GLP2R: variants seen among roughly 807,000 people sequenced by gnomAD.
GLP2R encodes glucagon like peptide 2 receptor.
GLP2R carries 59 observed loss-of-function variants against 68.2 expected under a neutral mutation model. The ratio of observed to expected loss-of-function variants is 0.87; its 90% CI spans 0.70 to 1.07. GLP2R has a LOEUF of 1.07. Among genes scored for constraint, GLP2R ranks in the 50% least tolerant of loss-of-function variants. The pLI is 0.00. For missense variants in GLP2R, 548 were observed against 677.4 expected (o/e 0.81, Z 2.12); for synonymous variants, 270 against 265.4 (o/e 1.02, Z -0.17).
At chr17:9,827,925 C>A (rs1330366313) in intron 1 of GLP2R, among the ~76,000 whole-genome samples, 1 of 147,022 alleles carries the variant, frequency 6.8e-6, no homozygotes, top group Non-Finnish European at 1.5e-5. Context: ...CACGCCATTG[C>A]ACTCCAGTCT....
rs35526930 is a variant in GLP2R at position 9,881,378 on chromosome 17, C to CTTTTTTTTTT, written c.1284+873_1284+882dup. ...AGTATAAAAGCAGGAGCTGTCAGGC[C>CTTTTTTTTTT]TTTTTTTTTTTTTTTTTTTTGAGAC... On this transcript the variant is annotated intron_variant, in intron 11 of 12. Transcript: ENST00000262441. Among the ~76,000 whole-genome samples, 201 of 95,622 alleles carry CTTTTTTTTTT rather than the reference C, an allele frequency of 2.1e-3. 3 individuals are homozygous for CTTTTTTTTTT. The highest frequency in any genetic ancestry group is 3.2e-3 in the Non-Finnish European group (163 of 51,210). 62.7% of individuals were successfully genotyped at this position (95,622 alleles called of 152,430 possible). A position where few individuals can be genotyped will look rare whatever the true frequency, so the allele number is the denominator to read the frequency against.
At chr17:9,869,674 G>A (rs371040764) in intron 9 of GLP2R, among the ~76,000 whole-genome samples, 1 of 152,172 alleles carries the variant, frequency 6.6e-6, no homozygotes, top group Non-Finnish European at 1.5e-5. Flanking sequence ...CTCCCAACAG[G>A]CTGCTTGAGT....
chr17:9,868,232 G>A (rs1003020810), intron 9 of GLP2R, among the ~76,000 whole-genome samples: 5 of 151,948 alleles, frequency 3.3e-5, no homozygotes. Context: ...AGAGTGTTTT[G>A]ACTCACAAGA....
intron 3 of GLP2R, among the ~76,000 whole-genome samples, chr17:9,840,038 C>A (rs2066771161): frequency 6.8e-6 from 1 of 147,962 alleles, no homozygotes. Flanking sequence ...CTGGAGTGTG[C>A]CGATCTTGGC....
At chr17:9,875,649 G>C (rs1323312251) in intron 10 of GLP2R, among the ~76,000 whole-genome samples, 1 of 152,196 alleles carries the variant, frequency 6.6e-6, no homozygotes, top group African/African-American at 2.4e-5. Context: ...CTTGGAGAAA[G>C]AGAACTGAGC....
At chr17:9,843,984 G>A (rs1050400376) in intron 4 of GLP2R, among the ~76,000 whole-genome samples, 2 of 152,212 alleles carry the variant, frequency 1.3e-5, no homozygotes, top group Non-Finnish European at 2.9e-5. Context: ...CAGATGCCCA[G>A]GGTCATGGAG....
intron 10 of GLP2R, among the ~76,000 whole-genome samples, chr17:9,872,263 G>A (rs2067101829): frequency 6.6e-6 from 1 of 152,140 alleles, no homozygotes; most frequent in Non-Finnish European, 1.5e-5. Flanking sequence ...CAATGTGCCT[G>A]GTACTGTGCT....
At chr17:9,878,864 A>G (rs749964417) in intron 10 of GLP2R, among the ~76,000 whole-genome samples, 14 of 151,928 alleles carry the variant, frequency 9.2e-5, no homozygotes, top group Non-Finnish European at 1.8e-4. Flanking sequence ...GTTTTTCTAC[A>G]CCTTTAATTC....
intron 3 of GLP2R, among the ~76,000 whole-genome samples, chr17:9,841,740 G>T (rs904335887): frequency 2.0e-5 from 3 of 152,180 alleles, no homozygotes; most frequent in Non-Finnish European, 4.4e-5. Flanking sequence ...CCCTTTGGTT[G>T]TCCATTCATT....
chr17:9,833,953 C>A, intron 2 of GLP2R, 59 bp downstream of exon 2: 1 of 1,053,502 alleles, frequency 9.5e-7, no homozygotes, highest in Non-Finnish European at 1.5e-6. Flanking sequence ...AGCTTAGCGG[C>A]TCAAAACAAT....
chr17:9,836,817 G>A (rs1331588900), intron 3 of GLP2R, among the ~76,000 whole-genome samples: 1 of 150,862 alleles, frequency 6.6e-6, no homozygotes, highest in African/African-American at 2.4e-5. Flanking sequence ...CAAAATGGAC[G>A]ATCAAGTTAT....
chr17:9,863,131 C>CA (rs139583327), intron 9 of GLP2R, among the ~76,000 whole-genome samples: 31,427 of 151,986 alleles, frequency 0.21, 4,266 homozygotes, highest in Non-Finnish European at 0.31. Flanking sequence ...GATAGTGTGC[C>CA]AGATGAGGTC....
chr17:9,861,666 C>T (rs964448577), intron 8 of GLP2R, among the ~76,000 whole-genome samples: 1 of 152,134 alleles, frequency 6.6e-6, no homozygotes, highest in Non-Finnish European at 1.5e-5. Context: ...TGTTTTAAGC[C>T]TATTGCTGAA....
intron 10 of GLP2R, among the ~76,000 whole-genome samples, chr17:9,879,124 TC>T (rs2067167034): frequency 6.6e-6 from 1 of 151,812 alleles, no homozygotes; most frequent in South Asian, 2.1e-4. Flanking sequence ...CCTTAAAAAG[TC>T]CACATCCAGC....
chr17:9,852,834 T>C, intron 4 of GLP2R: 1 of 331,528 alleles, frequency 3.0e-6, no homozygotes, highest in Non-Finnish European at 5.7e-6. Context: ...CATCATCTTC[T>C]CCATCAGCAG....
chr17:9,881,441 C>T (rs1262316620), intron 11 of GLP2R, among the ~76,000 whole-genome samples: 8 of 130,108 alleles, frequency 6.1e-5, no homozygotes, highest in East Asian at 2.1e-4. Flanking sequence ...AGTGCAGTGG[C>T]GGGATCTCGG....
chr17:9,850,852 C>G lies in GLP2R; in HGVS notation c.505-3643C>G, dbSNP rs542298982. ...GGGAATACAGGCGCACACCACCATG[C>G]CCAGCTAATTTTTGTATTTTTAGTA... is the stretch of plus-strand genomic sequence containing the variant. On this transcript the variant is annotated intron_variant, in intron 4 of 12. Coordinates refer to ENST00000262441, the MANE Select transcript of GLP2R (RefSeq NM_004246.3). Among the ~76,000 whole-genome samples, 59 of 152,178 alleles carry G rather than the reference C, an allele frequency of 3.9e-4. 1 individual carries two copies. Among genetic ancestry groups the G allele is most frequent in the African/African-American group, 1.3e-3 (55 of 41,504 alleles).
At chr17:9,859,819 CAAAAAAAAA>C (rs10567375) in intron 6 of GLP2R, 114 bp from the exon 7 acceptor site, 49 of 143,886 alleles carry the variant, frequency 3.4e-4, no homozygotes, top group South Asian at 1.3e-3. Context: ...GATTCTGTCT[CAAAAAAAAA>C]AAAAAAAAAA....
chr17:9,868,389 GATCTGT>G (rs2067060677), intron 9 of GLP2R, among the ~76,000 whole-genome samples: 1 of 152,160 alleles, frequency 6.6e-6, no homozygotes, highest in Admixed American at 6.5e-5. Context: ...TGTAGGCCCA[GATCTGT>G]GCACAGAAGC....
Sources: allele counts gnomAD v4.1 joint callset (sites outside exome capture counted in the v4.1 genomes callset), GRCh38; gene constraint gnomAD v4.1.1; transcripts MANE v1.5; gene names NCBI Gene and HGNC (gene_info 2026-07-23, HGNC 2026-07-21).